MTMR1: variants seen among roughly 807,000 people sequenced by gnomAD.
The protein encoded by MTMR1 is phosphatidylinositol-3-phosphate phosphatase MTMR1.
A neutral mutation model predicts 51.6 loss-of-function variants in MTMR1; 17 were observed. The observed-to-expected ratio is 0.33, with a 90% CI of 0.23 to 0.49. The LOEUF (loss-of-function observed/expected upper bound fraction) is 0.49, where lower values mean the gene tolerates loss of function less well. Ranked by LOEUF, MTMR1 falls within the 20% of genes least tolerant of loss-of-function variation. The pLI, the probability that MTMR1 is intolerant of heterozygous loss-of-function variation, is 0.99. For missense variants in MTMR1, 386 were observed against 526.9 expected (o/e 0.73, Z 2.62); for synonymous variants, 201 against 205.6 (o/e 0.98, Z 0.19).
chrX:150,726,148 G>A (rs2041918526), intron 4 of MTMR1, among the ~76,000 whole-genome samples: 1 of 111,581 alleles, frequency 9.0e-6, no homozygotes, highest in African/African-American at 3.3e-5. Context: ...GTCTCCTGTC[G>A]GATCAGCGGT....
intron 2 of MTMR1, among the ~76,000 whole-genome samples, chrX:150,706,011 G>A (rs782623474): frequency 1.8e-5 from 2 of 111,764 alleles, no homozygotes; most frequent in East Asian, 5.6e-4. Context: ...CACAGACTGG[G>A]TAATTTATAA....
chrX:150,727,303 C>G lies in MTMR1; in HGVS notation c.441C>G (p.Val147=), dbSNP rs372879184. Residue 147 remains valine (V), a synonymous_variant, in exon 5 of 16, where the codon GTC becomes GTG. Coordinates refer to ENST00000445323, the MANE Select transcript of MTMR1 (RefSeq NM_001306144.3). ...ACTTTAAGCTGTACTTCAAAAATGTCGAGAGGGTGAGTTTTTTAAAGTGTG... is the reference window on the plus strand; with the variant it reads ...ACTTTAAGCTGTACTTCAAAAATGTGGAGAGGGTGAGTTTTTTAAAGTGTG... The part of the protein sequence containing the change: ...VTDFKLYFKN[V]ERDPHFILDV... 27 of 1,195,339 alleles carry G rather than the reference C, an allele frequency of 2.3e-5. No homozygotes were observed. Among genetic ancestry groups the G allele is most frequent in the Non-Finnish European group, 2.9e-5 (26 of 882,790 alleles).
At chrX:150,731,995 G>A (rs782198138) in intron 9 of MTMR1, among the ~76,000 whole-genome samples, 2 of 111,775 alleles carry the variant, frequency 1.8e-5, no homozygotes, top group Non-Finnish European at 3.8e-5. Flanking sequence ...TGATGCCATA[G>A]CTGCGTGGGA....
intron 1 of MTMR1, among the ~76,000 whole-genome samples, chrX:150,697,509 G>A (rs782125783): frequency 1.8e-5 from 2 of 111,129 alleles, no homozygotes; most frequent in East Asian, 2.8e-4. Context: ...AACTTTTGTC[G>A]GTGTTTTTAG....
At chrX:150,719,864 G>A (rs2041687803) in intron 4 of MTMR1, among the ~76,000 whole-genome samples, 1 of 111,715 alleles carries the variant, frequency 9.0e-6, no homozygotes, top group Non-Finnish European at 1.9e-5. Flanking sequence ...AGTAAGAAGA[G>A]AAGGCTTCAG....
In MTMR1 at chrX:150,747,853, A is replaced by T. The variant is rs187082860; in HGVS notation, c.1567-2877A>T. Among the ~76,000 whole-genome samples, 27 of 111,676 alleles carry T rather than the reference A, an allele frequency of 2.4e-4. No homozygotes were observed. The Admixed American group carries it at 2.6e-3, about 11-fold the overall frequency. The stretch of plus-strand genomic sequence containing the variant: ...AGAACACACCTTTCCAAGCTCCCAA[A>T]TCTACAATGCAGGCTCAGGGGCTAG... On this transcript the variant is annotated intron_variant, in intron 13 of 15. Coordinates refer to ENST00000445323, the MANE Select transcript of MTMR1 (RefSeq NM_001306144.3).
chrX:150,716,842 A>G (rs188054114), intron 3 of MTMR1, among the ~76,000 whole-genome samples: 2 of 112,776 alleles, frequency 1.8e-5, no homozygotes, highest in East Asian at 5.5e-4. Flanking sequence ...TGAATTTTCA[A>G]TAATTTAGAA....
chrX:150,754,167 T>G (rs1279851764), intron 14 of MTMR1, among the ~76,000 whole-genome samples: 4 of 113,204 alleles, frequency 3.5e-5, no homozygotes, highest in Non-Finnish European at 7.5e-5. Flanking sequence ...CTTTCTATTC[T>G]GTTCCATTGA....
chrX:150,727,925 A>G (rs1259680568), intron 6 of MTMR1, 134 bp downstream of exon 6: 1 of 365,133 alleles, frequency 2.7e-6, no homozygotes. Context: ...CGGGATAGCA[A>G]CCTCTTCAAA....
intron 12 of MTMR1, among the ~76,000 whole-genome samples, chrX:150,737,883 A>G (rs1569565724): frequency 9.0e-6 from 1 of 111,162 alleles, no homozygotes; most frequent in Non-Finnish European, 1.9e-5. Flanking sequence ...CCTGGCCAAC[A>G]TGGTGAAACC....
intron 9 of MTMR1, among the ~76,000 whole-genome samples, chrX:150,732,146 A>T (rs2042136075): frequency 9.0e-6 from 1 of 111,503 alleles, no homozygotes; most frequent in Non-Finnish European, 1.9e-5. Context: ...TTTATAAGAG[A>T]CTGTATATTC....
At chrX:150,695,707 A>G (rs1253491623) in intron 1 of MTMR1, among the ~76,000 whole-genome samples, 3 of 112,125 alleles carry the variant, frequency 2.7e-5, no homozygotes. Flanking sequence ...TGTCAAAGAT[A>G]TAGTTGATCT....
At chrX:150,727,858 CT>C (rs1364026622) in intron 6 of MTMR1, 67 bp downstream of exon 6, 40 of 778,147 alleles carry the variant, frequency 5.1e-5, no homozygotes, top group Non-Finnish European at 6.9e-5. Context: ...CTCCCTCAGT[CT>C]CTTCATGGTC....
At chrX:150,731,442 C>T (rs1451854978) in intron 8 of MTMR1, 28 bp from the exon 9 acceptor site, 1 of 1,145,119 alleles carries the variant, frequency 8.7e-7, no homozygotes, top group African/African-American at 1.8e-5. Context: ...GCATTTCACC[C>T]TCTTCTTCTT....
At chrX:150,747,816 G>A (rs1204217730) in intron 13 of MTMR1, among the ~76,000 whole-genome samples, 1 of 111,560 alleles carries the variant, frequency 9.0e-6, no homozygotes, top group Non-Finnish European at 1.9e-5. Flanking sequence ...AAGGCTTGTT[G>A]TCACTGACTC....
Position 150,732,709 on chromosome X carries a change from C to T in MTMR1, c.1059C>T (p.Asn353=), listed in dbSNP as rs1557417039. 8.3e-7 allele frequency: 1 copy of T among 1,206,168 alleles called. No homozygotes were observed. Residue 353 remains asparagine, a synonymous_variant, in exon 10 of 16, where the codon AAC becomes AAT. Coordinates refer to ENST00000445323, the MANE Select transcript of MTMR1 (RefSeq NM_001306144.3). Reference sequence around the variant, plus strand: ...TTATCATCTTTGATGCTCGACAAAACAGTGTCGCTGATACCAACAAGGTAT... The same window carrying T: ...TTATCATCTTTGATGCTCGACAAAATAGTGTCGCTGATACCAACAAGGTAT... The part of the protein sequence containing the change: ...HKLIIFDARQ[N]SVADTNKTKG...
intron 12 of MTMR1, among the ~76,000 whole-genome samples, chrX:150,740,704 A>G (rs1557417288): frequency 9.0e-6 from 1 of 111,429 alleles, no homozygotes. Context: ...AAGAAAAGAA[A>G]TTTATTTGGC....
chrX:150,725,436 T>C (rs2041893878), intron 4 of MTMR1, among the ~76,000 whole-genome samples: 1 of 112,255 alleles, frequency 8.9e-6, no homozygotes, highest in Non-Finnish European at 1.9e-5. Context: ...CCTGAAACTT[T>C]ATCAAAGTTG....
At chrX:150,711,915 G>T (rs996853123) in intron 2 of MTMR1, among the ~76,000 whole-genome samples, 5 of 110,459 alleles carry the variant, frequency 4.5e-5, no homozygotes, top group Non-Finnish European at 7.6e-5. Flanking sequence ...TGGTTTTTTG[G>T]TTTTGTTTTC....
Sources: gnomAD v4.1 joint callset for allele counts (sites outside exome capture counted in the v4.1 genomes callset) on GRCh38, gnomAD v4.1.1 for gene constraint, MANE v1.5 for transcripts, NCBI Gene and HGNC (gene_info 2026-07-23, HGNC 2026-07-21) for gene names.